PLCB1: variants seen among roughly 807,000 people sequenced by gnomAD.
PLCB1 encodes phospholipase C beta 1, also known as 1-phosphatidylinositol 4,5-bisphosphate phosphodiesterase beta-1.
Under a neutral mutation model 161.8 loss-of-function variants are expected in PLCB1, and 46 were observed. The observed-to-expected ratio is 0.28, with a 90% CI of 0.22 to 0.36. PLCB1 has a LOEUF of 0.36. Ranked by LOEUF, PLCB1 falls within the 10% of genes least tolerant of loss-of-function variation. PLCB1 has a pLI of 1.00. For synonymous variants in PLCB1, 517 were observed against 503.7 expected, an observed-to-expected ratio of 1.03 and a Z score of -0.35; for missense variants, 1,016 against 1,472.5, an observed-to-expected ratio of 0.69 and a Z score of 5.07.
At chr20:8,462,291 G>T (rs1219094545) in intron 3 of PLCB1, among the ~76,000 whole-genome samples, 1 of 152,152 alleles carries the variant, frequency 6.6e-6, no homozygotes, top group East Asian at 1.9e-4. Context: ...CTGCTGTGGT[G>T]TTGAGTTCTG....
At chr20:8,665,062 A>G (rs996135336) in intron 9 of PLCB1, among the ~76,000 whole-genome samples, 2 of 152,166 alleles carry the variant, frequency 1.3e-5, no homozygotes, top group African/African-American at 2.4e-5. Context: ...CGACAATTGG[A>G]GAGAGATGGT....
intron 9 of PLCB1, among the ~76,000 whole-genome samples, chr20:8,671,769 T>A (rs1348828445): frequency 1.3e-5 from 2 of 152,110 alleles, no homozygotes; most frequent in East Asian, 3.9e-4. Context: ...TCCAGGCCAG[T>A]GTTAGGAAAG....
intron 3 of PLCB1, among the ~76,000 whole-genome samples, chr20:8,488,094 T>C (rs1007395986): frequency 2.6e-5 from 4 of 152,208 alleles, no homozygotes; most frequent in African/African-American, 9.6e-5. Context: ...AATAGTTACC[T>C]AATGCAGTTC....
At chr20:8,769,956 T>G (rs2146198092) in intron 26 of PLCB1, among the ~76,000 whole-genome samples, 1 of 152,246 alleles carries the variant, frequency 6.6e-6, no homozygotes. Context: ...TCTTTTTTTT[T>G]TGTTTTTTGT....
At chr20:8,337,707 A>T (rs2122213246) in intron 2 of PLCB1, among the ~76,000 whole-genome samples, 1 of 152,292 alleles carries the variant, frequency 6.6e-6, no homozygotes, top group Middle Eastern at 3.4e-3. Context: ...TGGTTTGAAC[A>T]ATTTAGAAAC....
intron 2 of PLCB1, among the ~76,000 whole-genome samples, chr20:8,251,061 GC>G (rs1981114229): frequency 6.6e-6 from 1 of 151,944 alleles, no homozygotes; most frequent in Non-Finnish European, 1.5e-5. Context: ...AAGGGCACCA[GC>G]AGAGTCAGTG....
chr20:8,238,092 C>T (rs1019140061), intron 2 of PLCB1, among the ~76,000 whole-genome samples: 1 of 151,884 alleles, frequency 6.6e-6, no homozygotes, highest in Non-Finnish European at 1.5e-5. Flanking sequence ...TCATGGTGTC[C>T]CTGTAGGAGT....
chr20:8,409,203 G>A (rs1435287359), intron 3 of PLCB1, among the ~76,000 whole-genome samples: 1 of 152,126 alleles, frequency 6.6e-6, no homozygotes. Flanking sequence ...ACCTGGGTAA[G>A]GAAAGGGCTT....
intron 3 of PLCB1, among the ~76,000 whole-genome samples, chr20:8,469,106 A>C (rs967343698): frequency 1.3e-5 from 2 of 152,170 alleles, no homozygotes; most frequent in Admixed American, 1.3e-4. Context: ...AGCTTTGCAG[A>C]TGAAGAAAGC....
chr20:8,442,295 G>T (rs1370618542), intron 3 of PLCB1, among the ~76,000 whole-genome samples: 1 of 152,168 alleles, frequency 6.6e-6, no homozygotes, highest in African/African-American at 2.4e-5. Context: ...TGTTCAAGGG[G>T]CCGGCAGGTT....
chr20:8,547,364 T>G (rs982642664), intron 3 of PLCB1, among the ~76,000 whole-genome samples: 1 of 152,202 alleles, frequency 6.6e-6, no homozygotes, highest in African/African-American at 2.4e-5. Context: ...TTGGATCAGA[T>G]AGTTATTCCT....
chr20:8,689,882 A>C (rs1990435353), intron 10 of PLCB1, among the ~76,000 whole-genome samples: 1 of 150,328 alleles, frequency 6.7e-6, no homozygotes, highest in African/African-American at 2.4e-5. Context: ...TCAGACTAAA[A>C]AGATGATGTG....
At chr20:8,636,476 CT>C (rs763347219) in intron 4 of PLCB1, among the ~76,000 whole-genome samples, 1 of 152,194 alleles carries the variant, frequency 6.6e-6, no homozygotes, top group Admixed American at 6.5e-5. Flanking sequence ...ACAACTTAAA[CT>C]TTTATATTGT....
Position 8,640,195 on chromosome 20 carries a change from G to A in PLCB1, c.385-5907G>A, listed in dbSNP as rs944891436. ...TGTCATTAAATTATAAGTTAATGAG[G>A]AACTACCTGTGCCTCGTTCACTAAT... On this transcript the variant is annotated intron_variant, in intron 4 of 31. Transcript: ENST00000338037. Among the ~76,000 whole-genome samples, 3 of 152,180 alleles carry A rather than the reference G, an allele frequency of 2.0e-5. No individual in the cohort carries two copies. The South Asian group carries it at 6.2e-4, about 32-fold the overall frequency.
At chr20:8,539,096 C>G (rs1379133769) in intron 3 of PLCB1, among the ~76,000 whole-genome samples, 1 of 152,132 alleles carries the variant, frequency 6.6e-6, no homozygotes, top group East Asian at 1.9e-4. Flanking sequence ...CTACAGCTAA[C>G]TCCTTAACTA....
intron 27 of PLCB1, among the ~76,000 whole-genome samples, chr20:8,786,875 C>A (rs1453283615): frequency 6.6e-6 from 1 of 151,592 alleles, no homozygotes; most frequent in African/African-American, 2.4e-5. Flanking sequence ...GGCTAACTTT[C>A]TGTATTTTTA....
chr20:8,802,243 C>T (rs533245861), intron 31 of PLCB1: 104 of 774,446 alleles, frequency 1.3e-4, no homozygotes, highest in Admixed American at 3.6e-4. Context: ...TCAGGCATCA[C>T]GGACTTGCTC....
At chr20:8,656,746 T>C (rs1989468267) in intron 7 of PLCB1, among the ~76,000 whole-genome samples, 1 of 150,608 alleles carries the variant, frequency 6.6e-6, no homozygotes, top group Non-Finnish European at 1.5e-5. Flanking sequence ...TATGTCTGTC[T>C]CTAGGGTCAT....
At chr20:8,721,525 C>A (rs1979632209) in intron 14 of PLCB1, among the ~76,000 whole-genome samples, 1 of 152,136 alleles carries the variant, frequency 6.6e-6, no homozygotes, top group South Asian at 2.1e-4. Flanking sequence ...TCCATTAATT[C>A]TTCAGGGGAA....
Sources: gnomAD v4.1 joint callset for allele counts (sites outside exome capture counted in the v4.1 genomes callset) on GRCh38, gnomAD v4.1.1 for gene constraint, MANE v1.5 for transcripts, NCBI Gene and HGNC (gene_info 2026-07-23, HGNC 2026-07-21) for gene names.